Variants in TENM3 observed in about 807,000 individuals in gnomAD.
TENM3 encodes teneurin transmembrane protein 3, also known as teneurin-3.
Under a neutral mutation model 255.1 loss-of-function variants are expected in TENM3, and 63 were observed. The ratio of observed to expected loss-of-function variants is 0.25; its 90% CI spans 0.20 to 0.30. TENM3 has a LOEUF of 0.30. Ranked by LOEUF, TENM3 falls within the 10% of genes least tolerant of loss-of-function variation. The probability of loss-of-function intolerance (pLI) is 1.00; values close to 1 mark genes in which losing one functional copy is unlikely to be tolerated. For missense variants in TENM3, 2,929 were observed against 3,461.1 expected (o/e 0.85, Z 3.86); for synonymous variants, 1,306 against 1,322.3 (o/e 0.99, Z 0.27).
intron 6 of TENM3, among the ~76,000 whole-genome samples, chr4:182,664,812 C>G (rs114215463): frequency 2.0e-3 from 306 of 152,302 alleles, no homozygotes; most frequent in African/African-American, 7.2e-3. Context: ...CAGAGCAAGG[C>G]TGTCTCTTCA....
chr4:181,923,837 T>A, the TENM3 span, among the ~76,000 whole-genome samples: 10 of 152,122 alleles, frequency 6.6e-5, no homozygotes, highest in Non-Finnish European at 1.2e-4. Context: ...TATATGGAGG[T>A]AAGCATGGAT....
At chr4:182,712,505 G>A (rs191377398) in intron 12 of TENM3, among the ~76,000 whole-genome samples, 70 of 151,636 alleles carry the variant, frequency 4.6e-4, no homozygotes, top group African/African-American at 1.5e-3. Context: ...AAATACAGAC[G>A]GTAATTGTCT....
the TENM3 span, among the ~76,000 whole-genome samples, chr4:181,985,257 C>T: frequency 6.6e-6 from 1 of 151,384 alleles, no homozygotes; most frequent in Non-Finnish European, 1.5e-5. Context: ...CCCAGAACAT[C>T]ACATGGCCCC....
intron 3 of TENM3, among the ~76,000 whole-genome samples, chr4:182,528,157 G>A (rs1739410310): frequency 6.6e-6 from 1 of 152,040 alleles, no homozygotes. Context: ...TCACTCTGTC[G>A]CCAAGGCTGG....
At chr4:181,745,686 T>G in the TENM3 span, among the ~76,000 whole-genome samples, 1 of 152,172 alleles carries the variant, frequency 6.6e-6, no homozygotes, top group Non-Finnish European at 1.5e-5. Flanking sequence ...CTCCGTTTTA[T>G]TTGTTAATGC....
At chr4:181,727,879 TACTTTC>T in the TENM3 span, among the ~76,000 whole-genome samples, 1 of 152,200 alleles carries the variant, frequency 6.6e-6, no homozygotes, top group African/African-American at 2.4e-5. Flanking sequence ...GTCCTAATGT[TACTTTC>T]AGAAGCAATC....
the TENM3 span, among the ~76,000 whole-genome samples, chr4:181,984,052 G>A: frequency 6.6e-6 from 1 of 151,938 alleles, no homozygotes; most frequent in African/African-American, 2.4e-5. Context: ...CCCCATTGCT[G>A]TACTCATTCT....
At chr4:181,907,257 C>A in the TENM3 span, among the ~76,000 whole-genome samples, 1 of 152,126 alleles carries the variant, frequency 6.6e-6, no homozygotes, top group Non-Finnish European at 1.5e-5. Context: ...AGGAGTGCAA[C>A]AGGGAGCCAG....
chr4:182,396,820 G>A (rs900421758), intron 3 of TENM3, among the ~76,000 whole-genome samples: 8 of 152,080 alleles, frequency 5.3e-5, no homozygotes, highest in African/African-American at 1.9e-4. Flanking sequence ...AAATTAGCCA[G>A]GTGTGGTGAC....
At chr4:182,722,406 T>C (rs1178523421) in intron 13 of TENM3, among the ~76,000 whole-genome samples, 2 of 152,200 alleles carry the variant, frequency 1.3e-5, no homozygotes, top group African/African-American at 4.8e-5. Context: ...GCAAATGTAT[T>C]AAATGCCTAC....
intron 3 of TENM3, among the ~76,000 whole-genome samples, chr4:182,544,588 C>T (rs1334078775): frequency 6.6e-6 from 1 of 151,988 alleles, no homozygotes; most frequent in Non-Finnish European, 1.5e-5. Context: ...AGGTGGGAGC[C>T]ACCGCGCCCG....
At chr4:182,240,053 T>C (rs1262183540), upstream of TENM3, among the ~76,000 whole-genome samples, 1 of 152,194 alleles carries the variant, frequency 6.6e-6, no homozygotes, top group Non-Finnish European at 1.5e-5. Flanking sequence ...GGGGGAAAGT[T>C]AAGCAGCATT....
chr4:182,747,680 GT>G (rs1158317049), intron 19 of TENM3, among the ~76,000 whole-genome samples: 1 of 152,160 alleles, frequency 6.6e-6, no homozygotes, highest in East Asian at 1.9e-4. Flanking sequence ...AATCAACTTT[GT>G]GAATTTTATA....
At chr4:181,692,309 G>A in the TENM3 span, among the ~76,000 whole-genome samples, 6 of 152,138 alleles carry the variant, frequency 3.9e-5, no homozygotes, top group Non-Finnish European at 8.8e-5. Context: ...TCACTGTGTT[G>A]TCTTACACTC....
chr4:182,626,252 T>A (rs1007332097), intron 4 of TENM3, among the ~76,000 whole-genome samples: 2 of 152,204 alleles, frequency 1.3e-5, no homozygotes, highest in African/African-American at 4.8e-5. Flanking sequence ...CAGTGTGAAA[T>A]CGCCAGTATC....
the TENM3 span, among the ~76,000 whole-genome samples, chr4:181,635,807 A>G: frequency 2.6e-5 from 4 of 152,180 alleles, no homozygotes; most frequent in African/African-American, 9.7e-5. Context: ...GAGCACAGTA[A>G]TAGCATAGGC....
upstream of TENM3, among the ~76,000 whole-genome samples, chr4:182,239,253 T>C (rs1255802289): frequency 6.6e-6 from 1 of 152,010 alleles, no homozygotes; most frequent in Non-Finnish European, 1.5e-5. Context: ...ATTTTTTGTA[T>C]TTTTAGTAAA....
chr4:182,651,413 G>A (rs1461807762), intron 5 of TENM3, among the ~76,000 whole-genome samples: 6 of 152,144 alleles, frequency 3.9e-5, no homozygotes, highest in East Asian at 1.9e-4. Context: ...AGTTTAGGCC[G>A]GGCGCAGTGG....
the TENM3 span, among the ~76,000 whole-genome samples, chr4:181,586,692 T>A: frequency 2.0e-5 from 3 of 151,732 alleles, no homozygotes; most frequent in Non-Finnish European, 4.4e-5. Context: ...ACACAGAAAT[T>A]AGCCAGGCGT....
Sources: gnomAD v4.1 joint callset for allele counts (sites outside exome capture counted in the v4.1 genomes callset) on GRCh38, gnomAD v4.1.1 for gene constraint, MANE v1.5 for transcripts, NCBI Gene and HGNC (gene_info 2026-07-23, HGNC 2026-07-21) for gene names.